SLC71A2: variants seen among roughly 807,000 people sequenced by gnomAD.
SLC71A2 encodes solute carrier family 71 member 2.
the SLC71A2 span, chr9:94,456,245 T>C: frequency 4.3e-6 from 7 of 1,613,222 alleles, no homozygotes; most frequent in African/African-American, 6.7e-5. Flanking sequence ...TGCAGGATGA[T>C]GTGGGCAGCA....
chr9:94,382,201 A>G, the SLC71A2 span, among the ~76,000 whole-genome samples: 2 of 151,468 alleles, frequency 1.3e-5, no homozygotes, highest in Admixed American at 6.6e-5. Flanking sequence ...TAATTTTTTA[A>G]TTTTTTATAG....
chr9:94,416,623 G>C, the SLC71A2 span, among the ~76,000 whole-genome samples: 1 of 152,170 alleles, frequency 6.6e-6, no homozygotes, highest in Admixed American at 6.5e-5. Flanking sequence ...TGGAGGCCAA[G>C]GCTGGTGGAT....
chr9:94,395,428 AG>A, the SLC71A2 span, among the ~76,000 whole-genome samples: 6 of 143,236 alleles, frequency 4.2e-5, no homozygotes, highest in African/African-American at 1.6e-4. Context: ...TTTGATAATA[AG>A]GGGATTTATT....
the SLC71A2 span, among the ~76,000 whole-genome samples, chr9:94,418,097 C>G: frequency 6.6e-6 from 1 of 151,956 alleles, no homozygotes; most frequent in African/African-American, 2.4e-5. Flanking sequence ...TCCTGACCTC[C>G]TGATCCGCCC....
At chr9:94,415,923 T>C in the SLC71A2 span, among the ~76,000 whole-genome samples, 7 of 152,342 alleles carry the variant, frequency 4.6e-5, no homozygotes, top group Admixed American at 3.3e-4. Context: ...TAATGGTCTT[T>C]GACTTAAGAA....
chr9:94,411,584 C>T, the SLC71A2 span, among the ~76,000 whole-genome samples: 2 of 148,644 alleles, frequency 1.3e-5, no homozygotes, highest in Non-Finnish European at 3.0e-5. Context: ...TTTCTTCATT[C>T]GTTAGCCGAT....
chr9:94,385,548 A>G, the SLC71A2 span, among the ~76,000 whole-genome samples: 32 of 152,138 alleles, frequency 2.1e-4, 1 homozygote, highest in South Asian at 6.4e-3. Flanking sequence ...ATTTTAATAT[A>G]TGGTGTGAAG....
At chr9:94,408,643 T>C in the SLC71A2 span, among the ~76,000 whole-genome samples, 1 of 151,462 alleles carries the variant, frequency 6.6e-6, no homozygotes, top group African/African-American at 2.4e-5. Flanking sequence ...TGTTGGCTAA[T>C]TGTCTATGAG....
At chr9:94,424,245 A>T in the SLC71A2 span, among the ~76,000 whole-genome samples, 15,858 of 150,124 alleles carry the variant, frequency 0.11, 1,502 homozygotes, top group East Asian at 0.35. Context: ...TTTTTGGCGG[A>T]GGGGGGAGCA....
At chr9:94,452,545 CGA>C in the SLC71A2 span, among the ~76,000 whole-genome samples, 1 of 150,956 alleles carries the variant, frequency 6.6e-6, no homozygotes, top group Non-Finnish European at 1.5e-5. Context: ...TGCTGGGAGC[CGA>C]GATTGCGCCA....
the SLC71A2 span, among the ~76,000 whole-genome samples, chr9:94,405,942 T>G: frequency 6.6e-6 from 1 of 150,710 alleles, no homozygotes; most frequent in South Asian, 2.1e-4. Context: ...TGTCTTTATG[T>G]TTATTTATAC....
chr9:94,410,966 A>G, the SLC71A2 span, among the ~76,000 whole-genome samples: 1 of 152,142 alleles, frequency 6.6e-6, no homozygotes, highest in Non-Finnish European at 1.5e-5. Flanking sequence ...GGGTTTTGCC[A>G]TGTTGGCCAG....
chr9:94,438,404 C>G, the SLC71A2 span: 2 of 1,614,100 alleles, frequency 1.2e-6, no homozygotes, highest in Non-Finnish European at 8.5e-7. Context: ...TCTCCAGGGC[C>G]TGCTCTCTTT....
At chr9:94,378,463 A>G in the SLC71A2 span, among the ~76,000 whole-genome samples, 3 of 152,190 alleles carry the variant, frequency 2.0e-5, no homozygotes, top group East Asian at 5.8e-4. Flanking sequence ...CCCCATCTCT[A>G]CTAAAAATAC....
At chr9:94,414,998 T>C in the SLC71A2 span, among the ~76,000 whole-genome samples, 1 of 152,194 alleles carries the variant, frequency 6.6e-6, no homozygotes, top group African/African-American at 2.4e-5. Flanking sequence ...TTAGGGAAAG[T>C]GAAGGCATCA....
the SLC71A2 span, among the ~76,000 whole-genome samples, chr9:94,453,723 TAGAC>T: frequency 1.3e-5 from 2 of 152,142 alleles, no homozygotes; most frequent in Non-Finnish European, 2.9e-5. Context: ...GAGCACCAGG[TAGAC>T]AGGCTTCTTA....
At chr9:94,458,975 G>T in the SLC71A2 span, among the ~76,000 whole-genome samples, 1 of 152,132 alleles carries the variant, frequency 6.6e-6, no homozygotes, top group Non-Finnish European at 1.5e-5. Flanking sequence ...CAGTTAATTA[G>T]TTGCCCTTTG....
the SLC71A2 span, among the ~76,000 whole-genome samples, chr9:94,452,169 C>G: frequency 3.9e-5 from 6 of 152,176 alleles, no homozygotes; most frequent in African/African-American, 1.2e-4. Flanking sequence ...ATTGCAAAAT[C>G]AACTAGGAAA....
chr9:94,415,124 C>A, the SLC71A2 span: 9 of 1,475,532 alleles, frequency 6.1e-6, no homozygotes, highest in East Asian at 1.6e-4. Flanking sequence ...TCTTATATTT[C>A]TTTGCTAATT....
Sources: gnomAD v4.1 joint callset for allele counts (sites outside exome capture counted in the v4.1 genomes callset) on GRCh38, gnomAD v4.1.1 for gene constraint, MANE v1.5 for transcripts, NCBI Gene and HGNC (gene_info 2026-07-23, HGNC 2026-07-21) for gene names.